The following ZNF385D variants were observed in gnomAD, a reference collection of about 807,000 sequenced individuals.
The protein encoded by ZNF385D is zinc finger protein 659.
In ZNF385D, 15 loss-of-function variants were observed where a neutral mutation model predicts 35.8. That is an observed-to-expected ratio of 0.42 (90% CI 0.28 to 0.64). The LOEUF (loss-of-function observed/expected upper bound fraction) is 0.64, where lower values mean the gene tolerates loss of function less well. Ranked by LOEUF, ZNF385D falls within the 30% of genes least tolerant of loss-of-function variation. The pLI, the probability that ZNF385D is intolerant of heterozygous loss-of-function variation, is 0.23. For missense variants in ZNF385D, 474 were observed against 494.6 expected (o/e 0.96, Z 0.39); for synonymous variants, 212 against 186.8 (o/e 1.13, Z -1.10).
At chr3:22,094,823 A>C (rs567450783) in intron 3 of ZNF385D, among the ~76,000 whole-genome samples, 1 of 152,136 alleles carries the variant, frequency 6.6e-6, no homozygotes, top group South Asian at 2.1e-4. Context: ...TTCATTCCTC[A>C]CAGCTGAGTG....
Position 22,317,238 on chromosome 3 carries a change from T to C in ZNF385D, c.106+55212A>G, listed in dbSNP as rs192247632. ...GTTGCAGTGAGCCAAGATCGCGCTA[T>C]TGCACACTCCAGCCTGGGAAACAAG... On this transcript the variant is annotated intron_variant, in intron 2 of 5. Coordinates refer to the ZNF385D transcript ENST00000494108. Among the ~76,000 whole-genome samples the C allele has an allele frequency of 2.8e-3, 338 of 119,570 alleles. 2 individuals carry two copies. The highest frequency in any genetic ancestry group is 0.011 in the African/African-American group (332 of 30,826). The allele number at this position is 119,570 out of a possible 152,430, so 78.4% of individuals were successfully genotyped here.
At chr3:21,997,237 C>G (rs1014066646) in intron 3 of ZNF385D, among the ~76,000 whole-genome samples, 11 of 152,044 alleles carry the variant, frequency 7.2e-5, no homozygotes, top group African/African-American at 2.2e-4. Context: ...TCTGAGCAAA[C>G]TATTTCAAGG....
intron 3 of ZNF385D, among the ~76,000 whole-genome samples, chr3:21,900,288 A>G (rs1200947073): frequency 6.6e-6 from 1 of 152,182 alleles, no homozygotes; most frequent in Admixed American, 6.6e-5. Flanking sequence ...TGGATAACAG[A>G]GTCAAATGTG....
chr3:21,955,082 A>G (rs1702225656), intron 3 of ZNF385D, among the ~76,000 whole-genome samples: 1 of 152,176 alleles, frequency 6.6e-6, no homozygotes, highest in African/African-American at 2.4e-5. Context: ...TTTTGTGTTT[A>G]CTACAAATGG....
chr3:21,722,997 A>C (rs949443650), intron 1 of ZNF385D, among the ~76,000 whole-genome samples: 38 of 152,170 alleles, frequency 2.5e-4, no homozygotes, highest in African/African-American at 9.2e-4. Context: ...TCACCCAGCC[A>C]TGTGCTTCCT....
intron 3 of ZNF385D, among the ~76,000 whole-genome samples, chr3:21,905,689 A>AATATATATATATATATAT (rs4044583): frequency 1.8e-4 from 27 of 148,822 alleles, no homozygotes; most frequent in Middle Eastern, 3.6e-3. Flanking sequence ...CATCTGTGGT[A>AATATATATATATATATAT]ATATATATAT....
At chr3:22,200,302 G>C (rs1309158616) in intron 2 of ZNF385D, among the ~76,000 whole-genome samples, 1 of 152,054 alleles carries the variant, frequency 6.6e-6, no homozygotes, top group Non-Finnish European at 1.5e-5. Context: ...GAAGTAAAGG[G>C]ACAGAGTACA....
At chr3:21,776,548 G>T (rs574676029) in intron 3 of ZNF385D, among the ~76,000 whole-genome samples, 1 of 151,918 alleles carries the variant, frequency 6.6e-6, no homozygotes, top group Non-Finnish European at 1.5e-5. Flanking sequence ...AATGACTGAA[G>T]TAATTTTGTG....
At chr3:22,125,048 G>C (rs113509008) in intron 3 of ZNF385D, among the ~76,000 whole-genome samples, 1 of 152,048 alleles carries the variant, frequency 6.6e-6, no homozygotes, top group Non-Finnish European at 1.5e-5. Flanking sequence ...TTCATAGTTT[G>C]AGATCTTAGA....
intron 3 of ZNF385D, among the ~76,000 whole-genome samples, chr3:21,523,105 GAGC>G (rs1457223492): frequency 3.3e-5 from 5 of 152,220 alleles, no homozygotes; most frequent in African/African-American, 4.8e-5. Flanking sequence ...GTCAGGTAGT[GAGC>G]TGAAGGCTTG....
chr3:22,187,874 G>A (rs982126445), intron 2 of ZNF385D, among the ~76,000 whole-genome samples: 1 of 152,060 alleles, frequency 6.6e-6, no homozygotes, highest in African/African-American at 2.4e-5. Flanking sequence ...TTTCTCCCAG[G>A]GTAGCTGTGG....
intron 4 of ZNF385D, among the ~76,000 whole-genome samples, chr3:21,483,930 C>G (rs919620969): frequency 1.3e-5 from 2 of 150,604 alleles, no homozygotes; most frequent in African/African-American, 4.9e-5. Context: ...TTTTTTTTCT[C>G]TTACGGATCA....
intron 3 of ZNF385D, among the ~76,000 whole-genome samples, chr3:22,016,207 G>A (rs1460768807): frequency 1.3e-5 from 2 of 151,108 alleles, no homozygotes. Context: ...ACAATGTCTG[G>A]AGATGTTTTT....
intron 2 of ZNF385D, among the ~76,000 whole-genome samples, chr3:22,321,567 G>T (rs951517725): frequency 6.6e-6 from 1 of 151,730 alleles, no homozygotes; most frequent in Non-Finnish European, 1.5e-5. Context: ...GGGTTTCACT[G>T]TGTTAGCCAG....
intron 5 of ZNF385D, among the ~76,000 whole-genome samples, chr3:21,434,646 A>T (rs1701463442): frequency 6.6e-6 from 1 of 152,156 alleles, no homozygotes; most frequent in Non-Finnish European, 1.5e-5. Context: ...TGGTGGACAG[A>T]GGGGGTCAAA....
intron 2 of ZNF385D, among the ~76,000 whole-genome samples, chr3:22,321,544 T>A (rs548506099): frequency 3.6e-4 from 55 of 152,076 alleles, no homozygotes; most frequent in Non-Finnish European, 6.8e-4. Context: ...TTTTTGTATT[T>A]TTAGTAGAGG....
At chr3:22,080,747 T>C (rs1038327842) in intron 3 of ZNF385D, among the ~76,000 whole-genome samples, 1 of 151,870 alleles carries the variant, frequency 6.6e-6, no homozygotes, top group Non-Finnish European at 1.5e-5. Flanking sequence ...AGGTAGGGCC[T>C]TTGGGGGGCA....
intron 3 of ZNF385D, among the ~76,000 whole-genome samples, chr3:22,036,789 G>A (rs1698352455): frequency 6.7e-6 from 1 of 148,202 alleles, no homozygotes; most frequent in Non-Finnish European, 1.5e-5. Flanking sequence ...GTATACATGT[G>A]CCATGTTGGT....
chr3:21,702,059 C>T (rs572678465), intron 1 of ZNF385D, among the ~76,000 whole-genome samples: 6 of 152,290 alleles, frequency 3.9e-5, no homozygotes, highest in South Asian at 4.1e-4. Flanking sequence ...CTTCTCACAG[C>T]TCCACTAGGC....
Sources: gnomAD v4.1 joint callset for allele counts (sites outside exome capture counted in the v4.1 genomes callset) on GRCh38, gnomAD v4.1.1 for gene constraint, MANE v1.5 for transcripts, NCBI Gene and HGNC (gene_info 2026-07-23, HGNC 2026-07-21) for gene names.